Variants in CMTR1 observed in about 807,000 individuals in gnomAD.
CMTR1 encodes the protein cap methyltransferase 1, also known as cap-specific mRNA (nucleoside-2'-O-)-methyltransferase 1.
Under a neutral mutation model 107.0 loss-of-function variants are expected in CMTR1, and 39 were observed. The observed-to-expected ratio is 0.36, with a 90% confidence interval of 0.28 to 0.48. CMTR1 has a LOEUF of 0.48. CMTR1 is among the 20% of genes least tolerant of loss of function. CMTR1 has a pLI of 0.99. For synonymous variants in CMTR1, 366 were observed against 379.5 expected, an observed-to-expected ratio of 0.96 and a Z score of 0.41; for missense variants, 672 against 1,064.9, an observed-to-expected ratio of 0.63 and a Z score of 5.14.
intron 2 of CMTR1, among the ~76,000 whole-genome samples, chr6:37,440,310 C>T (rs1771642686): frequency 6.6e-6 from 1 of 152,178 alleles, no homozygotes; most frequent in South Asian, 2.1e-4. Flanking sequence ...TCTTGAGAAG[C>T]TAAGCCTCCT....
Position 37,435,656 on chromosome 6 carries a change from C to T in CMTR1, c.27C>T (p.Cys9=). ...TGAAGAGGAGAACTGACCCAGAATG[C>T]ACTGCCCCCATCAAGAAACAGAAAA... is the stretch of plus-strand genomic sequence containing the variant. MKRRTDPE[C]TAPIKKQKKR... Residue 9 remains cysteine, a synonymous_variant, in exon 2 of 24, where the codon TGC becomes TGT. Transcript: ENST00000373451. The T allele has an allele frequency of 6.2e-7, 1 of 1,601,054 alleles. No individual in the cohort carries two copies. The highest frequency in any genetic ancestry group is 8.5e-7 in the Non-Finnish European group (1 of 1,174,904).
chr6:37,447,220 C>T (rs1364010287), intron 4 of CMTR1, among the ~76,000 whole-genome samples: 21 of 152,186 alleles, frequency 1.4e-4, no homozygotes, highest in Admixed American at 1.4e-3. Context: ...TGGCTCTGAA[C>T]TCTGGAAAAT....
chr6:37,450,184 T>C (rs1277008740), intron 4 of CMTR1, 67 bp from the exon 5 acceptor site: 7 of 1,361,250 alleles, frequency 5.1e-6, no homozygotes, highest in Admixed American at 5.1e-5. Context: ...GGGGAAGTCC[T>C]GATGAGTTGG....
At chr6:37,467,421 C>A (rs372263445) in intron 13 of CMTR1, among the ~76,000 whole-genome samples, 1 of 152,178 alleles carries the variant, frequency 6.6e-6, no homozygotes, top group Non-Finnish European at 1.5e-5. Flanking sequence ...TATGACCCAT[C>A]ATATGCTCTA....
intron 2 of CMTR1, among the ~76,000 whole-genome samples, chr6:37,440,367 A>G (rs1771643788): frequency 6.6e-6 from 1 of 152,224 alleles, no homozygotes; most frequent in East Asian, 1.9e-4. Context: ...TTTCATATGA[A>G]AAGAGTAGCC....
chr6:37,440,701 G>A (rs1771654971), intron 2 of CMTR1, among the ~76,000 whole-genome samples: 1 of 152,214 alleles, frequency 6.6e-6, no homozygotes, highest in South Asian at 2.1e-4. Flanking sequence ...TTACACCAGA[G>A]TCACCACTGA....
chr6:37,464,327 C>T (rs1017831008), intron 13 of CMTR1, among the ~76,000 whole-genome samples: 4 of 151,900 alleles, frequency 2.6e-5, no homozygotes, highest in East Asian at 3.9e-4. Context: ...ATTAGCCAGG[C>T]GTGGTGGCGG....
At chr6:37,473,631 T>C (rs369238022) in intron 17 of CMTR1, 30 bp downstream of exon 17, 24 of 1,606,748 alleles carry the variant, frequency 1.5e-5, no homozygotes, top group Admixed American at 5.1e-5. Flanking sequence ...CCTGCCCAGC[T>C]TGGAATGGTG....
chr6:37,428,401 A>G (rs1370710243), upstream of CMTR1, among the ~76,000 whole-genome samples: 1 of 152,186 alleles, frequency 6.6e-6, no homozygotes, highest in Non-Finnish European at 1.5e-5. Context: ...GCATTTATGC[A>G]TGAGAACCCT....
intron 1 of CMTR1, 83 bp from the exon 2 acceptor site, chr6:37,435,541 G>A: frequency 6.8e-7 from 1 of 1,461,458 alleles, no homozygotes; most frequent in Admixed American, 2.6e-5. Context: ...TCATCCCATT[G>A]ATGATTTACA....
the CMTR1 span, among the ~76,000 whole-genome samples, chr6:37,425,268 AT>A: frequency 0.67 from 97,566 of 145,440 alleles, 33,418 homozygotes; most frequent in African/African-American, 0.83. Context: ...TTCTTGATTG[AT>A]TTTTTTTTTC....
rs747993941 is a variant in CMTR1, at chr6:37,451,790, T to C, written c.538-16T>C. Reference sequence around the variant, plus strand: ...GTCACACGTGGTCATTACTTACTGCTTTTTTCTCCCTGTAGAGAAAGATGA... The same window carrying C: ...GTCACACGTGGTCATTACTTACTGCCTTTTTCTCCCTGTAGAGAAAGATGA... On this transcript the variant is annotated splice_polypyrimidine_tract_variant and intron_variant, in intron 5 of 23. Coordinates refer to ENST00000373451, the MANE Select transcript of CMTR1 (RefSeq NM_015050.3). The C allele has an allele frequency of 6.2e-7, 1 of 1,606,542 alleles. No homozygotes were observed. The highest frequency in any genetic ancestry group is 8.5e-7 in the Non-Finnish European group (1 of 1,173,626).
intron 8 of CMTR1, among the ~76,000 whole-genome samples, chr6:37,454,417 C>G (rs1223957990): frequency 6.6e-6 from 1 of 152,214 alleles, no homozygotes; most frequent in African/African-American, 2.4e-5. Flanking sequence ...CACAAAAGGG[C>G]TCTTGGAATT....
At chr6:37,471,995 C>T (rs1761638409) in intron 15 of CMTR1, 91 bp downstream of exon 15, 6 of 1,167,520 alleles carry the variant, frequency 5.1e-6, no homozygotes, top group Non-Finnish European at 7.3e-6. Context: ...CTTAGGGTGT[C>T]TCTGCATCCA....
intron 2 of CMTR1, among the ~76,000 whole-genome samples, chr6:37,440,981 C>A (rs1249366072): frequency 6.6e-6 from 1 of 152,152 alleles, no homozygotes; most frequent in Non-Finnish European, 1.5e-5. Flanking sequence ...ATAGGTAGAC[C>A]TATGAATGTC....
intron 3 of CMTR1, 62 bp from the exon 4 acceptor site, chr6:37,446,227 TGA>T: frequency 3.2e-6 from 5 of 1,545,160 alleles, no homozygotes; most frequent in Non-Finnish European, 4.4e-6. Context: ...GTTTGGCATG[TGA>T]TGGGGCTAAA....
intron 23 of CMTR1, among the ~76,000 whole-genome samples, chr6:37,479,487 G>A (rs1429312218): frequency 1.3e-5 from 2 of 152,334 alleles, no homozygotes; most frequent in African/African-American, 2.4e-5. Flanking sequence ...TAATGGTTAC[G>A]GGCCTGGCTG....
At chr6:37,424,537 G>T in the CMTR1 span, among the ~76,000 whole-genome samples, 9 of 152,048 alleles carry the variant, frequency 5.9e-5, no homozygotes, top group East Asian at 1.7e-3. Flanking sequence ...GTGAGCCACC[G>T]CGCCCGGCCT....
chr6:37,453,445 T>C, intron 8 of CMTR1, 133 bp downstream of exon 8: 1 of 807,930 alleles, frequency 1.2e-6, no homozygotes, highest in East Asian at 2.5e-5. Flanking sequence ...TTTGAGCTCC[T>C]CAGATAGGGT....
Sources: allele counts gnomAD v4.1 joint callset (sites outside exome capture counted in the v4.1 genomes callset), GRCh38; gene constraint gnomAD v4.1.1; transcripts MANE v1.5; gene names NCBI Gene and HGNC (gene_info 2026-07-23, HGNC 2026-07-21).